ANOS1: variants seen among roughly 807,000 people sequenced by gnomAD.
ANOS1 encodes the protein anosmin 1.
In ANOS1, 6 loss-of-function variants were observed where a neutral mutation model predicts 59.0. The observed-to-expected ratio is 0.10, with a 90% CI of 0.06 to 0.20. The LOEUF (loss-of-function observed/expected upper bound fraction) is 0.20. Ranked by LOEUF, ANOS1 falls within the 10% of genes least tolerant of loss-of-function variation. The pLI is 1.00. For missense variants in ANOS1, 433 were observed against 542.3 expected, an observed-to-expected ratio of 0.80 and a Z score of 2.00; for synonymous variants, 217 against 223.4, an observed-to-expected ratio of 0.97 and a Z score of 0.25.
chrX:8,587,779 A>G lies in ANOS1; in HGVS notation c.726+15T>C. On this transcript the variant is annotated intron_variant, in intron 5 of 13. Transcript: ENST00000262648. ...ACCTCCAGGATGAAAATCAAAGTCT[A>G]TATGAGGTTCTTACCTGGGCCACTG... The G allele has an allele frequency of 1.7e-6, 2 of 1,182,385 alleles. No individual in the cohort carries two copies. Among genetic ancestry groups the G allele is most frequent in the Non-Finnish European group, 2.3e-6 (2 of 873,769 alleles).
At chrX:8,539,140 C>T (rs1929642485) in intron 10 of ANOS1, among the ~76,000 whole-genome samples, 1 of 109,635 alleles carries the variant, frequency 9.1e-6, no homozygotes, top group Non-Finnish European at 1.9e-5. Context: ...GACAGAGTTG[C>T]TATCCTCAGA....
intron 2 of ANOS1, among the ~76,000 whole-genome samples, chrX:8,639,779 A>G (rs1279071123): frequency 8.9e-6 from 1 of 112,246 alleles, no homozygotes; most frequent in Non-Finnish European, 1.9e-5. Flanking sequence ...TTTGGAGGTT[A>G]CACATCTGTC....
At chrX:8,649,470 A>G (rs1455179985) in intron 2 of ANOS1, among the ~76,000 whole-genome samples, 1 of 111,484 alleles carries the variant, frequency 9.0e-6, no homozygotes, top group Non-Finnish European at 1.9e-5. Flanking sequence ...TCTTATCAAC[A>G]TGGTCCACAG....
intron 3 of ANOS1, among the ~76,000 whole-genome samples, chrX:8,610,030 A>G (rs866602570): frequency 1.2e-5 from 1 of 83,007 alleles, no homozygotes; most frequent in African/African-American, 4.2e-5. Context: ...AAAAAAAAAA[A>G]AAAAACAACA....
intron 2 of ANOS1, among the ~76,000 whole-genome samples, chrX:8,669,584 C>G (rs1316383923): frequency 1.2e-5 from 1 of 84,924 alleles, no homozygotes; most frequent in Non-Finnish European, 2.3e-5. Flanking sequence ...CCTTATCAGG[C>G]CCAAAACTGC....
intron 2 of ANOS1, among the ~76,000 whole-genome samples, chrX:8,681,797 T>C (rs1376211177): frequency 8.9e-6 from 1 of 112,360 alleles, no homozygotes; most frequent in Non-Finnish European, 1.9e-5. Context: ...TATTCATTTA[T>C]GTGACAATTC....
At chrX:8,724,376 AAGAGAGGAAGCAGGAGAAGGC>A (rs1370516842) in intron 1 of ANOS1, among the ~76,000 whole-genome samples, 1 of 111,925 alleles carries the variant, frequency 8.9e-6, no homozygotes, top group African/African-American at 3.3e-5. Flanking sequence ...TAGAAGAGGG[AAGAGAGGAAGCAGGAGAAGGC>A]AGAGATAAGA....
chrX:8,535,893 G>A (rs113092499), intron 11 of ANOS1, 82 bp from the exon 12 acceptor site: 13 of 784,964 alleles, frequency 1.7e-5, no homozygotes, highest in Admixed American at 6.9e-5. Flanking sequence ...AATTTTCAGC[G>A]GCCAGTCTAT....
At chrX:8,614,119 C>A (rs1931117396) in intron 3 of ANOS1, among the ~76,000 whole-genome samples, 1 of 111,764 alleles carries the variant, frequency 8.9e-6, no homozygotes, top group Admixed American at 9.5e-5. Flanking sequence ...TTCTCCCTCT[C>A]CATATTTACA....
rs1930497094 is a variant in ANOS1, at chrX:8,585,547, GA to G, written c.727-152del. 4 of 582,413 alleles carry G rather than the reference GA, an allele frequency of 6.9e-6. No individual in the cohort carries two copies. The East Asian group carries it at 1.4e-4, about 20-fold the overall frequency. 48.0% of individuals were successfully genotyped at this position (582,413 alleles called of 1,213,427 possible). ...AGAGGGGCTTATCATGCCCAGTTAT[GA>G]AGAGAGCTGTCAGGGAACAAAGAAC... On this transcript the variant is annotated intron_variant, in intron 5 of 13. Transcript: ENST00000262648.
chrX:8,615,819 C>T (rs1020219087), intron 3 of ANOS1, among the ~76,000 whole-genome samples: 2 of 111,375 alleles, frequency 1.8e-5, no homozygotes, highest in African/African-American at 6.5e-5. Context: ...GAAGCTTGCT[C>T]CCATTTCAAA....
At position 8,535,791 on chromosome X, in the gene ANOS1, G is replaced by A. The variant is rs77296423; in HGVS notation, c.1642C>T (p.Leu548=). Residue 548 remains leucine, a synonymous_variant, in exon 12 of 14, where the codon CTA becomes TTA. Transcript: ENST00000262648. ...GEAGHVLSKV[L]AKPENLSASF... ...GCAGAAAGGTTCTCAGGCTTAGCTA[G>A]CACCTTAGAAAGAACATGACCTGCA... is the stretch of plus-strand genomic sequence containing the variant. The A allele has an allele frequency of 2.6e-4, 315 of 1,207,347 alleles. 2 individuals carry two copies. The African/African-American group carries it at 4.7e-3, about 18-fold the overall frequency.
rs774174149 is a variant in ANOS1 at position 8,674,598 on chromosome X, A to T, written c.255+25100T>A. 4.5e-5 allele frequency among the ~76,000 whole-genome samples: 5 copies of T among 112,221 alleles called. No homozygotes were observed. In the East Asian group the frequency reaches 8.4e-4, roughly 19 times the overall value. On this transcript the variant is annotated intron_variant, in intron 2 of 13. Transcript: ENST00000262648. Reference sequence around the variant, plus strand: ...AACACTAATCATAGCTGATGAGCTTAAAAAAAATTGCAAAAAAACTCACAA... The same window carrying T: ...AACACTAATCATAGCTGATGAGCTTTAAAAAAATTGCAAAAAAACTCACAA...
chrX:8,541,259 C>T (rs1462048239), intron 9 of ANOS1, among the ~76,000 whole-genome samples: 6 of 104,453 alleles, frequency 5.7e-5, no homozygotes, highest in East Asian at 6.2e-4. Context: ...AAAAATTAGC[C>T]AGGCGTGGTG....
intron 2 of ANOS1, among the ~76,000 whole-genome samples, chrX:8,657,099 G>A (rs749359532): frequency 2.7e-5 from 3 of 112,579 alleles, no homozygotes; most frequent in Non-Finnish European, 5.6e-5. Flanking sequence ...TTAACCACAC[G>A]GGTCATGGCT....
intron 1 of ANOS1, among the ~76,000 whole-genome samples, chrX:8,710,165 C>T (rs770921087): frequency 1.8e-5 from 2 of 111,511 alleles, no homozygotes; most frequent in South Asian, 3.8e-4. Flanking sequence ...CTCCTGACCT[C>T]GTGATCCACC....
intron 3 of ANOS1, among the ~76,000 whole-genome samples, chrX:8,619,862 T>G (rs182537906): frequency 4.4e-5 from 5 of 112,525 alleles, no homozygotes; most frequent in Admixed American, 2.8e-4. Context: ...GTGCTGATAA[T>G]ACAGATTAAG....
chrX:8,663,277 A>G (rs1171596538), intron 2 of ANOS1, among the ~76,000 whole-genome samples: 1 of 111,974 alleles, frequency 8.9e-6, no homozygotes, highest in Admixed American at 9.5e-5. Context: ...GGAAATTTAA[A>G]TTGCATATAA....
intron 2 of ANOS1, among the ~76,000 whole-genome samples, chrX:8,657,757 G>A (rs1343296009): frequency 4.5e-5 from 5 of 111,657 alleles, no homozygotes; most frequent in East Asian, 2.8e-4. Flanking sequence ...ATGAGCCACC[G>A]CACCCAGCCA....
Sources: gnomAD v4.1 joint callset for allele counts (sites outside exome capture counted in the v4.1 genomes callset) on GRCh38, gnomAD v4.1.1 for gene constraint, MANE v1.5 for transcripts, NCBI Gene and HGNC (gene_info 2026-07-23, HGNC 2026-07-21) for gene names.